The following PDE4D variants were observed in gnomAD, a reference collection of about 807,000 sequenced individuals.
PDE4D encodes 3',5'-cyclic-AMP phosphodiesterase 4D.
In PDE4D, 24 loss-of-function variants were observed where a neutral mutation model predicts 87.4. That is an observed-to-expected ratio of 0.27 (90% CI 0.20 to 0.39). The LOEUF (loss-of-function observed/expected upper bound fraction) is 0.39, where lower values mean the gene tolerates loss of function less well. PDE4D is among the 10% of genes least tolerant of loss of function. PDE4D has a pLI of 1.00. For synonymous variants in PDE4D, 384 were observed against 383.2 expected (o/e 1.00, Z -0.02); for missense variants, 714 against 1,041.0 (o/e 0.69, Z 4.32).
At chr5:59,666,923 G>A (rs761755256) in intron 1 of PDE4D, among the ~76,000 whole-genome samples, 1 of 152,096 alleles carries the variant, frequency 6.6e-6, no homozygotes, top group African/African-American at 2.4e-5. Context: ...ATGGACTGCA[G>A]CACCCTCTTT....
rs184487124 is a variant in PDE4D at position 60,498,006 on chromosome 5, G to A, written n.70+24045C>T. 7.8e-4 allele frequency among the ~76,000 whole-genome samples: 119 copies of A among 152,262 alleles called. No homozygotes were observed. The South Asian group carries it at 9.3e-3, about 12-fold the overall frequency. Reference sequence around the variant, plus strand: ...TCCTTGGTCGTCTGCTTCAGAAATAGGTCATCCTCTGACTATCAGCAGTTG... The same window carrying A: ...TCCTTGGTCGTCTGCTTCAGAAATAAGTCATCCTCTGACTATCAGCAGTTG... On this transcript the variant is annotated intron_variant and non_coding_transcript_variant, in intron 1 of 2. Coordinates refer to the PDE4D transcript ENST00000506510.
intron 1 of PDE4D, among the ~76,000 whole-genome samples, chr5:59,653,298 C>T (rs1743829948): frequency 6.7e-6 from 1 of 150,318 alleles, no homozygotes; most frequent in Non-Finnish European, 1.5e-5. Flanking sequence ...GCTGCACCTC[C>T]CAGGTTAAAG....
At chr5:60,083,487 GC>G (rs1448453510) in intron 2 of PDE4D, among the ~76,000 whole-genome samples, 1 of 152,198 alleles carries the variant, frequency 6.6e-6, no homozygotes, top group African/African-American at 2.4e-5. Flanking sequence ...TTCTTTCAAA[GC>G]AAACTTGGCA....
intron 5 of PDE4D, among the ~76,000 whole-genome samples, chr5:59,168,364 G>A (rs893136758): frequency 2.6e-5 from 4 of 152,138 alleles, no homozygotes; most frequent in African/African-American, 4.8e-5. Context: ...TGGTTCCTCC[G>A]AAACACCCCA....
In PDE4D at chr5:59,029,354, T is replaced by C. The variant is rs190036394; in HGVS notation, c.921+9505A>G. Among the ~76,000 whole-genome samples, 68 of 145,874 alleles carry C rather than the reference T, an allele frequency of 4.7e-4. No individual in the cohort carries two copies. The East Asian group carries it at 0.013, about 28-fold the overall frequency. ...ACGGCGTGAACCTGGGAGGTGGAGCTTGCAGTAAGCCGAGATCGCGCCACT... is the reference window on the plus strand; with the variant it reads ...ACGGCGTGAACCTGGGAGGTGGAGCCTGCAGTAAGCCGAGATCGCGCCACT... On this transcript the variant is annotated intron_variant, in intron 6 of 14. Transcript: ENST00000340635.
chr5:60,332,184 T>C (rs2149872020), intron 1 of PDE4D, among the ~76,000 whole-genome samples: 1 of 152,354 alleles, frequency 6.6e-6, no homozygotes, highest in East Asian at 1.9e-4. Context: ...TTTTTTAAAA[T>C]TTAAATTTAA....
intron 6 of PDE4D, among the ~76,000 whole-genome samples, chr5:59,000,845 C>T (rs372517242): frequency 3.3e-5 from 5 of 152,052 alleles, no homozygotes; most frequent in Admixed American, 1.3e-4. Flanking sequence ...CCCACCACCA[C>T]GCCTGGCTAA....
intron 1 of PDE4D, among the ~76,000 whole-genome samples, chr5:59,420,891 CA>C (rs1794378280): frequency 6.6e-6 from 1 of 151,974 alleles, no homozygotes. Flanking sequence ...GTCAGGGTAG[CA>C]GGGGGCAGGA....
At chr5:59,856,845 C>CT (rs765826118) in intron 1 of PDE4D, among the ~76,000 whole-genome samples, 1 of 152,128 alleles carries the variant, frequency 6.6e-6, no homozygotes. Flanking sequence ...TGTTAGTCCT[C>CT]TTTTTAAAAT....
intron 1 of PDE4D, among the ~76,000 whole-genome samples, chr5:60,345,193 A>T (rs1351522074): frequency 6.6e-6 from 1 of 152,068 alleles, no homozygotes; most frequent in African/African-American, 2.4e-5. Flanking sequence ...AACTATCGCA[A>T]GAACAAAAAA....
chr5:60,107,604 C>T (rs1286377901), intron 2 of PDE4D, among the ~76,000 whole-genome samples: 7 of 152,146 alleles, frequency 4.6e-5, no homozygotes, highest in Non-Finnish European at 7.4e-5. Context: ...ATGCAAAAAT[C>T]CTCAATAAAA....
intron 1 of PDE4D, among the ~76,000 whole-genome samples, chr5:59,396,232 C>T (rs369670398): frequency 7.0e-5 from 8 of 113,780 alleles, no homozygotes; most frequent in South Asian, 3.1e-4. Flanking sequence ...ATACACAGAA[C>T]GCCACAAAGA....
At chr5:59,255,381 A>G (rs1760776240) in intron 1 of PDE4D, among the ~76,000 whole-genome samples, 1 of 152,080 alleles carries the variant, frequency 6.6e-6, no homozygotes, top group Admixed American at 6.6e-5. Context: ...AAAAACGTAG[A>G]TTAGCCGTTG....
chr5:59,225,166 G>A (rs936755263), intron 1 of PDE4D, among the ~76,000 whole-genome samples: 8 of 152,096 alleles, frequency 5.3e-5, no homozygotes, highest in African/African-American at 1.9e-4. Context: ...AGTCTTGAGT[G>A]GATTTTTTGT....
intron 1 of PDE4D, among the ~76,000 whole-genome samples, chr5:59,390,693 T>C (rs1788057451): frequency 6.6e-6 from 1 of 152,152 alleles, no homozygotes; most frequent in African/African-American, 2.4e-5. Flanking sequence ...TAAGTTGTTG[T>C]GACTTATGAA....
chr5:59,014,411 C>T (rs1430297704), intron 6 of PDE4D, among the ~76,000 whole-genome samples: 3 of 152,086 alleles, frequency 2.0e-5, no homozygotes, highest in Admixed American at 2.0e-4. Context: ...TCATCTCAGC[C>T]CAAAATCTCC....
At chr5:60,374,397 G>T (rs1761272409) in intron 1 of PDE4D, among the ~76,000 whole-genome samples, 1 of 152,090 alleles carries the variant, frequency 6.6e-6, no homozygotes, top group Non-Finnish European at 1.5e-5. Context: ...ATCCTCTTGG[G>T]GATTCTTTAA....
chr5:59,141,677 T>A (rs537737210), intron 5 of PDE4D, among the ~76,000 whole-genome samples: 2 of 152,340 alleles, frequency 1.3e-5, no homozygotes, highest in South Asian at 4.1e-4. Flanking sequence ...TGAAATTTTT[T>A]AAATTTTAAA....
intron 1 of PDE4D, among the ~76,000 whole-genome samples, chr5:59,455,275 C>G (rs1442985868): frequency 6.6e-6 from 1 of 152,212 alleles, no homozygotes; most frequent in Non-Finnish European, 1.5e-5. Context: ...GGCCCAGGGT[C>G]ACCATGCTGT....
Sources: allele counts gnomAD v4.1 joint callset (sites outside exome capture counted in the v4.1 genomes callset), GRCh38; gene constraint gnomAD v4.1.1; transcripts MANE v1.5; gene names NCBI Gene and HGNC (gene_info 2026-07-23, HGNC 2026-07-21).